The following ITFG2 variants were observed in gnomAD, a reference collection of about 807,000 sequenced individuals.
ITFG2 encodes the protein integrin alpha FG-GAP repeat containing 2, also known as KICSTOR complex protein ITFG2.
ITFG2 carries 36 observed loss-of-function variants against 54.4 expected under a neutral mutation model. That is an observed-to-expected ratio of 0.66 (90% CI 0.51 to 0.87). The LOEUF (loss-of-function observed/expected upper bound fraction) is 0.87, where lower values mean the gene tolerates loss of function less well. Ranked by LOEUF, ITFG2 falls within the 40% of genes least tolerant of loss-of-function variation. The pLI is 0.00. For synonymous variants in ITFG2, 211 were observed against 225.4 expected (o/e 0.94, Z 0.57); for missense variants, 524 against 576.7 (o/e 0.91, Z 0.94).
chr12:2,828,711 G>T (rs181251804), downstream of ITFG2, among the ~76,000 whole-genome samples: 1 of 152,152 alleles, frequency 6.6e-6, no homozygotes, highest in Non-Finnish European at 1.5e-5. Flanking sequence ...GTGTGGTGGC[G>T]CATGCCTGTA....
At chr12:2,830,555 G>A (rs772120267) in intron 2 of ITFG2, 4 of 712,304 alleles carry the variant, frequency 5.6e-6, no homozygotes, top group Non-Finnish European at 9.1e-6. Flanking sequence ...CAGGGAGGAA[G>A]GAGGTAGAGG....
chr12:2,822,697 C>T (rs150377981), intron 9 of ITFG2, 97 bp from the exon 10 acceptor site: 18 of 1,052,246 alleles, frequency 1.7e-5, no homozygotes, highest in African/African-American at 4.7e-5. Context: ...CGTTTACTGC[C>T]GAACCCACGG....
In ITFG2 at chr12:2,857,013, C is replaced by T. The variant is rs114953382; in HGVS notation, n.301-999C>T. On this transcript the variant is annotated intron_variant and non_coding_transcript_variant, in intron 2 of 3. Coordinates refer to the ITFG2 transcript ENST00000537710. Reference sequence around the variant, plus strand: ...ACTGGGCCCTCTGAGTGATCTTTGCCGGTTACTGGCCATTCTTCTGGGCCT... The same window carrying T: ...ACTGGGCCCTCTGAGTGATCTTTGCTGGTTACTGGCCATTCTTCTGGGCCT... 1,337 of 702,936 alleles carry T rather than the reference C, an allele frequency of 1.9e-3. 11 individuals carry two copies. In the African/African-American group the frequency reaches 0.02, roughly 10 times the overall value. The allele number at this position is 702,936 out of a possible 1,614,324, so 43.5% of individuals were successfully genotyped here.
At position 2,830,534 on chromosome 12, in the gene ITFG2, A is replaced by G. The variant is rs530488945; in HGVS notation, c.*60-300A>G. 4.9e-4 allele frequency: 297 copies of G among 605,164 alleles called. 2 individuals carry two copies. The South Asian group carries it at 6.6e-3, about 14-fold the overall frequency. 37.5% of individuals were successfully genotyped at this position (605,164 alleles called of 1,614,324 possible). ...ACAGATGGAGTTGCACCGAGGAGACATGGCTTGGGGCAGGGAGGAAGGAGG... is the reference window on the plus strand; with the variant it reads ...ACAGATGGAGTTGCACCGAGGAGACGTGGCTTGGGGCAGGGAGGAAGGAGG... On this transcript the variant is annotated intron_variant and NMD_transcript_variant, in intron 2 of 2. Transcript: ENST00000538822.
In ITFG2 at chr12:2,813,217, A is replaced by G. The variant is rs551931899; in HGVS notation, c.96+361A>G. Among the ~76,000 whole-genome samples, 46 of 152,242 alleles carry G rather than the reference A, an allele frequency of 3.0e-4. No homozygotes were observed. The South Asian group carries it at 9.1e-3, about 30-fold the overall frequency. ...ACGCCCGACTAATTTTTGTGTTTTT[A>G]GTAGAGGTGGGGTTTCACCATGTTG... On this transcript the variant is annotated intron_variant, in intron 1 of 11. Coordinates refer to ENST00000228799, the MANE Select transcript of ITFG2 (RefSeq NM_018463.4).
In ITFG2 at chr12:2,824,229, G is replaced by A. The variant is rs755376132; in HGVS notation, c.*36G>A. The A allele has an allele frequency of 4.4e-6, 7 of 1,590,088 alleles. No individual in the cohort carries two copies. The highest frequency in any genetic ancestry group is 5.2e-6 in the Non-Finnish European group (6 of 1,158,190). On this transcript the variant is annotated 3_prime_UTR_variant, in exon 12 of 12. Coordinates refer to ENST00000228799, the MANE Select transcript of ITFG2 (RefSeq NM_018463.4). ...CTCATAGCTGGTGAAGGATTCTTCT[G>A]AACCCCCACCCTACCCCCTAAAGGT...
At chr12:2,840,982 A>C (rs1480124124) in exon 2 of ITFG2, 1 of 152,718 alleles carries the variant, frequency 6.5e-6, no homozygotes, top group East Asian at 1.9e-4. Context: ...CCACAGACAC[A>C]GGGAAGAGTG....
chr12:2,855,494 T>C, intron 2 of ITFG2: 1 of 1,348,924 alleles, frequency 7.4e-7, no homozygotes, highest in South Asian at 1.8e-5. Context: ...CAGACAGGGG[T>C]GCAGAAAGGT....
chr12:2,855,799 T>C (rs1174308069), intron 2 of ITFG2, among the ~76,000 whole-genome samples: 1 of 152,120 alleles, frequency 6.6e-6, no homozygotes, highest in Non-Finnish European at 1.5e-5. Flanking sequence ...AGAGGGCACA[T>C]CAGGCCTCAG....
chr12:2,849,584 G>A (rs2098063642), intron 2 of ITFG2: 8 of 1,519,878 alleles, frequency 5.3e-6, no homozygotes, highest in South Asian at 4.8e-5. Context: ...CAGGGACAGT[G>A]GAGAGACGGG....
rs1439446470 is a variant in ITFG2 at position 2,812,823 on chromosome 12, C to T, written c.63C>T (p.His21=). The part of the protein sequence containing the change: ...ALEFSGSLFP[H]AICLGDVDND... The stretch of plus-strand genomic sequence containing the variant: ...AGTTCAGCGGGAGCCTCTTCCCGCA[C>T]GCAATCTGCCTCGGAGACGTTGATA... The change falls in exon 1 of 12, where the codon CAC becomes CAT. Residue 21 remains histidine, a synonymous_variant. Transcript: ENST00000228799. The T allele has an allele frequency of 3.7e-6, 6 of 1,612,874 alleles. No individual in the cohort carries two copies. Among genetic ancestry groups the T allele is most frequent in the Non-Finnish European group, 5.1e-6 (6 of 1,179,182 alleles).
At chr12:2,830,786 C>A in intron 2 of ITFG2, 2 of 1,613,950 alleles carry the variant, frequency 1.2e-6, no homozygotes, top group Non-Finnish European at 1.7e-6. Context: ...TCAGGTCCTG[C>A]ATCCGGGGAG....
rs1287554514 is a variant in ITFG2, at chr12:2,812,751, T to G, written c.-10T>G. 2 of 1,599,508 alleles carry G rather than the reference T, an allele frequency of 1.3e-6. No homozygotes were observed. Among genetic ancestry groups the G allele is most frequent in the East Asian group, 2.3e-5 (1 of 44,388 alleles). ...TGGGCCTCTCCGCTCCCTCTGCTCT[T>G]GGAGGTGCCATGAGGTCAGTTAGCT... On this transcript the variant is annotated 5_prime_UTR_variant, in exon 1 of 12. Transcript: ENST00000228799.
chr12:2,855,081 C>A, intron 2 of ITFG2: 1 of 1,536,000 alleles, frequency 6.5e-7, no homozygotes, highest in Non-Finnish European at 8.7e-7. Flanking sequence ...AGCTGTTTTG[C>A]CCCATCCAGG....
intron 4 of ITFG2, 145 bp downstream of exon 4, chr12:2,818,422 C>A (rs1565410822): frequency 6.8e-7 from 1 of 1,472,730 alleles, no homozygotes; most frequent in East Asian, 2.5e-5. Context: ...AGCCAGGCAT[C>A]ACTCAAGGCA....
intron 2 of ITFG2, among the ~76,000 whole-genome samples, chr12:2,853,240 A>T (rs2098076652): frequency 1.3e-5 from 2 of 151,980 alleles, no homozygotes; most frequent in South Asian, 4.2e-4. Context: ...GGGTCCCCAC[A>T]AAGGAGACTG....
chr12:2,858,682 G>A, intron 3 of ITFG2: 1 of 1,614,164 alleles, frequency 6.2e-7, no homozygotes, highest in Non-Finnish European at 8.5e-7. Flanking sequence ...ATGTTGTCAG[G>A]GCCCAGTGGG....
At chr12:2,827,728 T>C, downstream of ITFG2, 1 of 1,613,054 alleles carries the variant, frequency 6.2e-7, no homozygotes, top group Non-Finnish European at 8.5e-7. This position sits in a 1 kb window ranked among gnomAD's most constrained non-coding sequence, Gnocchi z 4.0. Flanking sequence ...CAGTGGTCAC[T>C]GCTGCCCTCC....
chr12:2,831,765 C>CT (rs2098004450), downstream of ITFG2, among the ~76,000 whole-genome samples: 1 of 151,768 alleles, frequency 6.6e-6, no homozygotes, highest in South Asian at 2.1e-4. Context: ...TCTTTTCTTT[C>CT]TTTTTCTTTT....
Sources: gnomAD v4.1 joint callset for allele counts (sites outside exome capture counted in the v4.1 genomes callset) on GRCh38, gnomAD v4.1.1 for gene constraint, Gnocchi (gnomAD v3.1) non-coding constraint, MANE v1.5 for transcripts, NCBI Gene and HGNC (gene_info 2026-07-23, HGNC 2026-07-21) for gene names.